The following SNUPN variants were observed in gnomAD, a reference collection of about 807,000 sequenced individuals.
SNUPN encodes snurportin 1.
A neutral mutation model predicts 39.2 loss-of-function variants in SNUPN; 31 were observed. The ratio of observed to expected loss-of-function variants is 0.79; its 90% CI spans 0.59 to 1.07. The LOEUF is 1.07. SNUPN is among the 50% of genes least tolerant of loss of function. SNUPN has a pLI of 0.00. For missense variants in SNUPN, 382 were observed against 434.2 expected, an observed-to-expected ratio of 0.88 and a Z score of 1.07; for synonymous variants, 132 against 159.0, an observed-to-expected ratio of 0.83 and a Z score of 1.28.
chr15:75,603,583 C>T (rs2075307766), intron 7 of SNUPN, among the ~76,000 whole-genome samples: 1 of 150,230 alleles, frequency 6.7e-6, no homozygotes, highest in Admixed American at 6.6e-5. Flanking sequence ...ATGCTGTGAA[C>T]CTGGGAGGCG....
chr15:75,605,100 T>G (rs2075320899), intron 7 of SNUPN, 50 bp downstream of exon 7: 3 of 1,151,808 alleles, frequency 2.6e-6, no homozygotes, highest in East Asian at 4.7e-5. Flanking sequence ...AACAGACCAA[T>G]CCACACTACT....
intron 3 of SNUPN, among the ~76,000 whole-genome samples, chr15:75,612,367 C>G (rs1892805511): frequency 1.3e-5 from 2 of 152,030 alleles, no homozygotes; most frequent in African/African-American, 2.4e-5. Context: ...CCACTCTACT[C>G]CTCGCCTTAC....
chr15:75,603,131 C>T lies in SNUPN; in HGVS notation c.679-1913G>A, dbSNP rs959955547. ...TGGCACGATCTCGGCTAACTGCAAG[C>T]TCGGCCTCCTGGGTTCACAGCATTC... is the stretch of plus-strand genomic sequence containing the variant. On this transcript the variant is annotated intron_variant, in intron 7 of 8. Transcript: ENST00000308588. 2.7e-5 allele frequency among the ~76,000 whole-genome samples: 4 copies of T among 150,940 alleles called. No homozygotes were observed. The South Asian group carries it at 8.4e-4, about 32-fold the overall frequency.
At chr15:75,614,204 T>A (rs189304955) in intron 3 of SNUPN, among the ~76,000 whole-genome samples, 3 of 152,038 alleles carry the variant, frequency 2.0e-5, no homozygotes, top group African/African-American at 7.3e-5. Flanking sequence ...GGCAGGAAGA[T>A]CACTTAAACT....
intron 3 of SNUPN, among the ~76,000 whole-genome samples, chr15:75,610,527 C>T (rs1030165727): frequency 1.3e-5 from 2 of 152,044 alleles, no homozygotes; most frequent in Non-Finnish European, 2.9e-5. Flanking sequence ...TGACTATGAA[C>T]TTTGGCTTCT....
At chr15:75,609,468 C>T (rs978749536) in intron 5 of SNUPN, 90 bp downstream of exon 5, 14 of 942,330 alleles carry the variant, frequency 1.5e-5, no homozygotes, top group South Asian at 1.0e-4. Context: ...GGATTACAGG[C>T]GTGAGCCACC....
In SNUPN at chr15:75,622,476, C is replaced by T. The variant is rs553540020; in HGVS notation, c.-5-1420G>A. The T allele has an allele frequency of 3.3e-5, 33 of 985,332 alleles. No homozygotes were observed. The South Asian group carries it at 1.4e-3, about 41-fold the overall frequency. 61.0% of individuals were successfully genotyped at this position (985,332 alleles called of 1,614,324 possible). On this transcript the variant is annotated intron_variant, in intron 1 of 8. Coordinates refer to ENST00000308588, the MANE Select transcript of SNUPN (RefSeq NM_005701.4). ...GATGTCATTTTGAAAACAGACTTCC[C>T]ACTTTAGGTGGACCCTAAAGAATGG...
At chr15:75,621,089 C>G (rs77935734) in intron 1 of SNUPN, 33 bp from the exon 2 acceptor site, 2 of 1,606,044 alleles carry the variant, frequency 1.2e-6, no homozygotes, top group Non-Finnish European at 1.7e-6. Context: ...ATGGTTCATT[C>G]ATTTCATATC....
At chr15:75,615,457 C>T (rs1036168355) in intron 3 of SNUPN, among the ~76,000 whole-genome samples, 2 of 152,122 alleles carry the variant, frequency 1.3e-5, no homozygotes, top group Non-Finnish European at 2.9e-5. Flanking sequence ...CTGTTTGTTC[C>T]CACTGCCTGG....
intron 1 of SNUPN, chr15:75,624,764 T>G: frequency 7.8e-7 from 1 of 1,283,586 alleles, no homozygotes; most frequent in Non-Finnish European, 1.0e-6. Flanking sequence ...GTTTTGTTTT[T>G]TCTTTGTTGT....
At chr15:75,610,344 G>C (rs1892747970) in intron 3 of SNUPN, among the ~76,000 whole-genome samples, 1 of 150,732 alleles carries the variant, frequency 6.6e-6, no homozygotes, top group African/African-American at 2.4e-5. Flanking sequence ...AGGTTGCAGT[G>C]AGCCGAGATG....
At position 75,620,988 on chromosome 15, in the gene SNUPN, C is replaced by G; in HGVS notation, c.64G>C (p.Ala22Pro). Residue 22 changes from alanine (A) to proline (P), a missense_variant, in exon 2 of 9, where the codon GCT becomes CCT. Ala to Pro is a conservative substitution (Grantham distance 27). Coordinates refer to ENST00000308588, the MANE Select transcript of SNUPN (RefSeq NM_005701.4). ...TGGGATAGGCGGGGGTGTGGGGCAG[C>G]TGTGCTGTTCAGATCTTGAGACACA... The part of the protein sequence containing the change: ...FSVSQDLNST[A>P]APHPRLSQYK... The G allele has an allele frequency of 6.2e-7, 1 of 1,614,106 alleles. No homozygotes were observed. Among genetic ancestry groups the G allele is most frequent in the Non-Finnish European group, 8.5e-7 (1 of 1,179,976 alleles).
At chr15:75,624,115 G>A (rs1465005515) in intron 1 of SNUPN, among the ~76,000 whole-genome samples, 3 of 148,528 alleles carry the variant, frequency 2.0e-5, no homozygotes, top group Non-Finnish European at 4.5e-5. Flanking sequence ...TTTCAGTAGA[G>A]ACGGGGTTTC....
chr15:75,598,937 C>T (rs2141357459), intron 8 of SNUPN, among the ~76,000 whole-genome samples: 1 of 152,234 alleles, frequency 6.6e-6, no homozygotes, highest in African/African-American at 2.4e-5. Flanking sequence ...GAGGCTGAGG[C>T]AGGCAGATTG....
At chr15:75,612,802 G>A (rs970777654) in intron 3 of SNUPN, among the ~76,000 whole-genome samples, 4 of 151,900 alleles carry the variant, frequency 2.6e-5, no homozygotes, top group African/African-American at 9.7e-5. Flanking sequence ...TCACCACTCC[G>A]TTACTGAATC....
Position 75,598,250 on chromosome 15 carries a change from G to T in SNUPN, c.*108C>A. ...AGCTGTTTCCAGCTGGACTGGGTTT[G>T]GAAAGTTCACTCTAAAGAATGAAGT... On this transcript the variant is annotated 3_prime_UTR_variant, in exon 9 of 9. Transcript: ENST00000308588. The T allele has an allele frequency of 1.2e-6, 1 of 868,350 alleles. No individual in the cohort carries two copies. The highest frequency in any genetic ancestry group is 1.7e-6 in the Non-Finnish European group (1 of 572,424). The allele number at this position is 868,350 out of a possible 1,614,324, so 53.8% of individuals were successfully genotyped here. A position where few individuals can be genotyped will look rare whatever the true frequency, so the allele number is the denominator to read the frequency against.
At chr15:75,601,295 C>G in intron 7 of SNUPN, 77 bp from the exon 8 acceptor site, 2 of 1,066,598 alleles carry the variant, frequency 1.9e-6, no homozygotes, top group Non-Finnish European at 2.9e-6. Flanking sequence ...CTCTGTCAGG[C>G]CAGGCATAGT....
chr15:75,615,098 TTTTA>T (rs1267121226), intron 3 of SNUPN, among the ~76,000 whole-genome samples: 1 of 152,168 alleles, frequency 6.6e-6, no homozygotes, highest in African/African-American at 2.4e-5. Flanking sequence ...AACATTTCTT[TTTTA>T]TTTGTTTTAT....
intron 7 of SNUPN, among the ~76,000 whole-genome samples, chr15:75,602,755 G>A (rs2075299081): frequency 6.6e-6 from 1 of 151,452 alleles, no homozygotes; most frequent in Non-Finnish European, 1.5e-5. Context: ...ATAGGTGCAC[G>A]CCACCATGCC....
Sources: allele counts gnomAD v4.1 joint callset (sites outside exome capture counted in the v4.1 genomes callset), GRCh38; gene constraint gnomAD v4.1.1; transcripts MANE v1.5; gene names NCBI Gene and HGNC (gene_info 2026-07-23, HGNC 2026-07-21).